Variants in LRRC37A2 observed in about 807,000 individuals in gnomAD.
LRRC37A2 encodes the protein leucine-rich repeat-containing protein 37A2.
A neutral mutation model predicts 68.8 loss-of-function variants in LRRC37A2; 9 were observed. That is an observed-to-expected ratio of 0.13 (90% CI 0.08 to 0.23). The LOEUF (loss-of-function observed/expected upper bound fraction) is 0.23, where lower values mean the gene tolerates loss of function less well. Ranked by LOEUF, LRRC37A2 falls within the 10% of genes least tolerant of loss-of-function variation. The probability of loss-of-function intolerance (pLI) is 1.00; values close to 1 mark genes in which losing one functional copy is unlikely to be tolerated. For synonymous variants in LRRC37A2, 63 were observed against 367.6 expected, an observed-to-expected ratio of 0.17 and a Z score of 9.48; for missense variants, 168 against 950.4, an observed-to-expected ratio of 0.18 and a Z score of 10.82.
At chr17:46,894,583 G>A in the LRRC37A2 span, among the ~76,000 whole-genome samples, 6 of 152,206 alleles carry the variant, frequency 3.9e-5, no homozygotes, top group African/African-American at 7.2e-5. Flanking sequence ...CACTGCGGGG[G>A]TCCCCTGGTG....
chr17:47,016,472 C>CG, the LRRC37A2 span, among the ~76,000 whole-genome samples: 1 of 107,674 alleles, frequency 9.3e-6, no homozygotes, highest in African/African-American at 3.9e-5. Flanking sequence ...TGTGTGCACA[C>CG]AGGGTAGATC....
chr17:46,923,194 T>C, the LRRC37A2 span: 2 of 1,546,346 alleles, frequency 1.3e-6, no homozygotes, highest in South Asian at 1.2e-5. Context: ...GCCGGCGACA[T>C]GGATCCCCTG....
the LRRC37A2 span, among the ~76,000 whole-genome samples, chr17:47,008,171 C>T: frequency 3.4e-5 from 5 of 147,608 alleles, no homozygotes; most frequent in Admixed American, 6.9e-5. Context: ...AGTGCAATGG[C>T]GCAATCTCGG....
chr17:46,804,471 C>T, the LRRC37A2 span, among the ~76,000 whole-genome samples: 1 of 152,200 alleles, frequency 6.6e-6, no homozygotes, highest in African/African-American at 2.4e-5. Flanking sequence ...ACTCCCTGCC[C>T]TATGGGGAAG....
the LRRC37A2 span, among the ~76,000 whole-genome samples, chr17:46,738,030 C>T: frequency 6.6e-6 from 1 of 151,820 alleles, no homozygotes; most frequent in Non-Finnish European, 1.5e-5. Context: ...ACCTCCTGGG[C>T]TCAATTGATC....
intron 6 of LRRC37A2, among the ~76,000 whole-genome samples, chr17:46,533,384 A>C: frequency 9.5e-6 from 1 of 104,908 alleles, no homozygotes; most frequent in East Asian, 2.8e-4. Context: ...TGCTTCTCTA[A>C]AGCTCCACTC....
the LRRC37A2 span, among the ~76,000 whole-genome samples, chr17:46,734,232 ATC>A: frequency 6.6e-6 from 1 of 152,234 alleles, no homozygotes; most frequent in Non-Finnish European, 1.5e-5. Flanking sequence ...AAACATGAGT[ATC>A]TCTCCATCTA....
the LRRC37A2 span, among the ~76,000 whole-genome samples, chr17:46,918,376 C>A: frequency 1.3e-5 from 2 of 152,320 alleles, no homozygotes; most frequent in South Asian, 2.1e-4. Flanking sequence ...CCGCCCCCGG[C>A]CTATAACACA....
the LRRC37A2 span, among the ~76,000 whole-genome samples, chr17:46,608,076 C>T: frequency 8.0e-6 from 1 of 124,376 alleles, no homozygotes; most frequent in Non-Finnish European, 1.6e-5. Context: ...TTTGGGAGGC[C>T]GAGCTGGGCG....
chr17:46,887,581 A>G, the LRRC37A2 span, among the ~76,000 whole-genome samples: 1 of 152,166 alleles, frequency 6.6e-6, no homozygotes, highest in Admixed American at 6.5e-5. Flanking sequence ...CTTGGCCAAC[A>G]TGGTGAAACC....
the LRRC37A2 span, among the ~76,000 whole-genome samples, chr17:46,708,523 G>C: frequency 9.3e-6 from 1 of 107,252 alleles, no homozygotes; most frequent in Non-Finnish European, 1.8e-5. Context: ...AGACAGTCTT[G>C]CTCTGTCACC....
At chr17:46,456,614 T>C in the LRRC37A2 span, 5 of 2,158 alleles carry the variant, frequency 2.3e-3, no homozygotes, top group Non-Finnish European at 1.2e-3. Flanking sequence ...GTGTTTTTCC[T>C]AAAGTGCATA....
At chr17:46,728,276 A>G in the LRRC37A2 span, among the ~76,000 whole-genome samples, 1 of 152,174 alleles carries the variant, frequency 6.6e-6, no homozygotes. Context: ...CGTTTTATTG[A>G]AATTCCTTAT....
the LRRC37A2 span, among the ~76,000 whole-genome samples, chr17:46,850,619 ACT>A: frequency 1.3e-5 from 2 of 152,078 alleles, no homozygotes; most frequent in South Asian, 2.1e-4. Flanking sequence ...CGTGTTCGAG[ACT>A]CTCAAAAACA....
the LRRC37A2 span, among the ~76,000 whole-genome samples, chr17:46,976,377 A>C: frequency 6.6e-6 from 1 of 151,222 alleles, no homozygotes; most frequent in Non-Finnish European, 1.5e-5. Context: ...TACTAAAAAT[A>C]ATAAATAAAT....
chr17:46,942,314 G>A, the LRRC37A2 span, among the ~76,000 whole-genome samples: 1 of 152,230 alleles, frequency 6.6e-6, no homozygotes, highest in African/African-American at 2.4e-5. Context: ...ACGGAGGTCA[G>A]ACAGGGATTT....
the LRRC37A2 span, among the ~76,000 whole-genome samples, chr17:46,781,133 C>CA: frequency 6.6e-6 from 1 of 151,568 alleles, no homozygotes; most frequent in South Asian, 2.1e-4. Flanking sequence ...GAGGCTGAGA[C>CA]AGGAGTATTG....
At chr17:46,766,169 G>A in the LRRC37A2 span, among the ~76,000 whole-genome samples, 3 of 152,174 alleles carry the variant, frequency 2.0e-5, no homozygotes, top group Non-Finnish European at 4.4e-5. Flanking sequence ...AGCACTTTGA[G>A]GGGCCAAGAC....
At chr17:46,875,218 T>C in the LRRC37A2 span, 2 of 1,614,158 alleles carry the variant, frequency 1.2e-6, no homozygotes, top group Non-Finnish European at 1.7e-6. Context: ...TCTCCGGGGC[T>C]GGAGAGCCGG....
Sources: allele counts gnomAD v4.1 joint callset (sites outside exome capture counted in the v4.1 genomes callset), GRCh38; gene constraint gnomAD v4.1.1; transcripts MANE v1.5; gene names NCBI Gene and HGNC (gene_info 2026-07-23, HGNC 2026-07-21).